IL12RB1: variants seen among roughly 807,000 people sequenced by gnomAD.
IL12RB1 encodes interleukin-12 receptor subunit beta-1.
Under a neutral mutation model 94.4 loss-of-function variants are expected in IL12RB1, and 64 were observed. That is an observed-to-expected ratio of 0.68 (90% CI 0.55 to 0.83). The LOEUF (loss-of-function observed/expected upper bound fraction) is 0.83, where lower values mean the gene tolerates loss of function less well. IL12RB1 is among the 40% of genes least tolerant of loss of function. The probability of loss-of-function intolerance (pLI) is 0.00; values close to 1 mark genes in which losing one functional copy is unlikely to be tolerated. For missense variants in IL12RB1, 814 were observed against 855.6 expected (o/e 0.95, Z 0.61); for synonymous variants, 362 against 355.5 (o/e 1.02, Z -0.21).
chr19:18,079,988 T>C (rs1346277582), intron 4 of IL12RB1, among the ~76,000 whole-genome samples: 2 of 152,214 alleles, frequency 1.3e-5, no homozygotes, highest in East Asian at 1.9e-4. Context: ...CTCAGCGTAA[T>C]GTCCTCCAGC....
upstream of IL12RB1, among the ~76,000 whole-genome samples, chr19:18,090,280 G>C (rs944512357): frequency 1.9e-5 from 2 of 104,994 alleles, no homozygotes; most frequent in South Asian, 2.7e-4. Context: ...GGGAGGTCGA[G>C]ACTGCAGTGA....
chr19:18,059,834 C>G (rs748543103), intron 16 of IL12RB1, 60 bp downstream of exon 16: 9 of 950,346 alleles, frequency 9.5e-6, no homozygotes, highest in Non-Finnish European at 1.5e-5. Context: ...GGATGTCTAG[C>G]CCCCCCACCC....
In IL12RB1 at chr19:18,096,158, C is replaced by T. The variant is rs115567276; in HGVS notation, c.-230+2597G>A. Among the ~76,000 whole-genome samples, 609 of 152,172 alleles carry T rather than the reference C, an allele frequency of 4.0e-3. 3 individuals are homozygous for T. The highest frequency in any genetic ancestry group is 0.013 in the African/African-American group (553 of 41,530). ...TATGGGGGCTGAGGCAGGAAGATCG[C>T]TTGAGCCCGGGAGGTAGAGGCTGCA... On this transcript the variant is annotated intron_variant, in intron 1 of 4. Transcript: ENST00000594176.
chr19:18,085,181 G>A (rs1353209916), intron 1 of IL12RB1, among the ~76,000 whole-genome samples: 1 of 152,134 alleles, frequency 6.6e-6, no homozygotes, highest in Non-Finnish European at 1.5e-5. Flanking sequence ...CCACAAGAAG[G>A]ACCTGTCCTG....
At chr19:18,085,990 TG>T (rs1369767084) in intron 1 of IL12RB1, among the ~76,000 whole-genome samples, 1 of 151,304 alleles carries the variant, frequency 6.6e-6, no homozygotes, top group African/African-American at 2.4e-5. Flanking sequence ...CCAAGGTGAG[TG>T]GATCATTTGA....
At position 18,067,530 on chromosome 19, in the gene IL12RB1, G is replaced by A. The variant is rs528013588; in HGVS notation, c.1328-833C>T. 7.2e-5 allele frequency among the ~76,000 whole-genome samples: 11 copies of A among 151,958 alleles called. No individual in the cohort carries two copies. In the South Asian group the frequency reaches 1.7e-3, roughly 23 times the overall value. On this transcript the variant is annotated intron_variant, in intron 11 of 16. Coordinates refer to ENST00000593993, the MANE Select transcript of IL12RB1 (RefSeq NM_005535.3). Reference sequence around the variant, plus strand: ...ATAAAATGGACAATGCTGGCCGGGCGCAGTGGCTCACACCTGTAATCCCGG... The same window carrying A: ...ATAAAATGGACAATGCTGGCCGGGCACAGTGGCTCACACCTGTAATCCCGG...
At chr19:18,083,132 G>A (rs892582579) in intron 2 of IL12RB1, 1 of 550,184 alleles carries the variant, frequency 1.8e-6, no homozygotes, top group Non-Finnish European at 3.3e-6. Flanking sequence ...AGGTTGGGGG[G>A]GGGGCTTCAA....
chr19:18,066,704 C>A lies in IL12RB1; in HGVS notation c.1328-7G>T. ...GGTGTCCCAGCTGCTGAGGCTGCAACCAGTACCATTGTCATAGTCAACACC... is the reference window on the plus strand; with the variant it reads ...GGTGTCCCAGCTGCTGAGGCTGCAAACAGTACCATTGTCATAGTCAACACC... On this transcript the variant is annotated splice_polypyrimidine_tract_variant and splice_region_variant and intron_variant, in intron 11 of 16. Transcript: ENST00000593993. 6.2e-7 allele frequency: 1 copy of A among 1,606,678 alleles called. No individual in the cohort carries two copies. The highest frequency in any genetic ancestry group is 8.5e-7 in the Non-Finnish European group (1 of 1,175,064).
intron 1 of IL12RB1, among the ~76,000 whole-genome samples, chr19:18,092,359 T>C (rs1196537326): frequency 6.6e-6 from 1 of 151,128 alleles, no homozygotes; most frequent in Non-Finnish European, 1.5e-5. Flanking sequence ...GCATGGTGGC[T>C]CCTGTCTGTA....
chr19:18,087,021 T>G (rs2036395648), upstream of IL12RB1: 1 of 1,177,044 alleles, frequency 8.5e-7, no homozygotes, highest in Admixed American at 2.3e-5. Context: ...GGAAGTCAGC[T>G]CCGTGGTGGT....
chr19:18,091,757 A>C (rs1885309966), upstream of IL12RB1, among the ~76,000 whole-genome samples: 2 of 151,176 alleles, frequency 1.3e-5, no homozygotes, highest in Admixed American at 1.3e-4. Context: ...GAGTGCAGTG[A>C]CACAATCATA....
chr19:18,087,993 CCT>C (rs2036450102), upstream of IL12RB1, among the ~76,000 whole-genome samples: 1 of 152,176 alleles, frequency 6.6e-6, no homozygotes, highest in Non-Finnish European at 1.5e-5. Context: ...TGGGCTCACC[CCT>C]CTAATCCCAG....
At chr19:18,078,140 G>GGCTC (rs2035619658) in intron 4 of IL12RB1, among the ~76,000 whole-genome samples, 1 of 152,112 alleles carries the variant, frequency 6.6e-6, no homozygotes, top group African/African-American at 2.4e-5. Flanking sequence ...CAGGAGCAGT[G>GGCTC]GCTCATAGCT....
intron 3 of IL12RB1, among the ~76,000 whole-genome samples, chr19:18,081,232 A>G (rs2146396521): frequency 6.6e-6 from 1 of 152,088 alleles, no homozygotes; most frequent in Non-Finnish European, 1.5e-5. Context: ...AGTAGCTGGG[A>G]TTACAGGCAC....
chr19:18,083,735 TCC>T (rs1463307415), intron 1 of IL12RB1, among the ~76,000 whole-genome samples: 8 of 147,818 alleles, frequency 5.4e-5, no homozygotes, highest in Non-Finnish European at 1.2e-4. Flanking sequence ...CATGAATTCA[TCC>T]ATTCACCCAT....
chr19:18,078,109 T>C (rs960978848), intron 4 of IL12RB1, among the ~76,000 whole-genome samples: 1 of 151,988 alleles, frequency 6.6e-6, no homozygotes, highest in South Asian at 2.1e-4. Flanking sequence ...AACTTGTCTC[T>C]AAAAAAACAA....
At chr19:18,069,479 G>A (rs2034848838) in intron 10 of IL12RB1, 67 bp downstream of exon 10, 13 of 1,448,376 alleles carry the variant, frequency 9.0e-6, no homozygotes, top group Admixed American at 8.2e-5. Context: ...CTGCAGGTTT[G>A]AACCCACCAG....
At chr19:18,093,928 A>G in intron 1 of IL12RB1, among the ~76,000 whole-genome samples, 1 of 152,120 alleles carries the variant, frequency 6.6e-6, no homozygotes, top group Non-Finnish European at 1.5e-5. Flanking sequence ...GCTTCCCTCC[A>G]TGTGGCCAAG....
At chr19:18,098,597 C>T (rs1038871663) in intron 1 of IL12RB1, among the ~76,000 whole-genome samples, 2 of 152,128 alleles carry the variant, frequency 1.3e-5, no homozygotes, top group Non-Finnish European at 2.9e-5. Flanking sequence ...ACTACATGAC[C>T]CCGGGCAGCC....
Sources: gnomAD v4.1 joint callset for allele counts (sites outside exome capture counted in the v4.1 genomes callset) on GRCh38, gnomAD v4.1.1 for gene constraint, MANE v1.5 for transcripts, NCBI Gene and HGNC (gene_info 2026-07-23, HGNC 2026-07-21) for gene names.